TET2: variants seen among roughly 807,000 people sequenced by gnomAD.
TET2 encodes methylcytosine dioxygenase TET2.
A neutral mutation model predicts 142.9 loss-of-function variants in TET2; 299 were observed. The observed-to-expected ratio is 2.09, with a 90% CI of 1.90 to 2.30. The LOEUF (loss-of-function observed/expected upper bound fraction) is 2.30, where lower values mean the gene tolerates loss of function less well. Ranked by LOEUF, TET2 falls within the 30% of genes most tolerant of loss-of-function variation. TET2 has a pLI of 0.00. For synonymous variants in TET2, 819 were observed against 849.0 expected (o/e 0.96, Z 0.61); for missense variants, 2,418 against 2,378.0 (o/e 1.02, Z -0.35).
rs749354184 is a variant in TET2, at chr4:105,236,922, C to T, written c.2980C>T (p.His994Tyr). ...EPGCKPHACM[H>Y]TAPPENKTWK... ...TGGATGCAAGCCACATGCCTGTATG[C>T]ACACAGCACCACCAGAAAACAAAAC... The change falls in exon 3 of 11, where the codon CAC becomes TAC. Residue 994 changes from histidine to tyrosine, a missense_variant. Transcript: ENST00000380013. The T allele has an allele frequency of 5.0e-6, 8 of 1,613,960 alleles. No homozygotes were observed. The highest frequency in any genetic ancestry group is 1.3e-5 in the African/African-American group (1 of 74,918).
At chr4:105,210,450 AC>A (rs1336239237) in intron 2 of TET2, among the ~76,000 whole-genome samples, 1 of 152,152 alleles carries the variant, frequency 6.6e-6, no homozygotes, top group Non-Finnish European at 1.5e-5. Context: ...GGCATTAAAT[AC>A]CATTGGTAGG....
At chr4:105,273,750 G>A (rs1731072837) in intron 10 of TET2, among the ~76,000 whole-genome samples, 1 of 152,084 alleles carries the variant, frequency 6.6e-6, no homozygotes, top group Non-Finnish European at 1.5e-5. Context: ...CCTTAGACAT[G>A]TTGAGTCTGT....
At chr4:105,240,186 T>A (rs1001149894) in intron 3 of TET2, 1 of 248,976 alleles carries the variant, frequency 4.0e-6, no homozygotes, top group Non-Finnish European at 8.1e-6. Context: ...AGACATGAAG[T>A]GAGCACATGC....
At chr4:105,231,153 A>C (rs1578662639) in intron 2 of TET2, among the ~76,000 whole-genome samples, 1 of 152,234 alleles carries the variant, frequency 6.6e-6, no homozygotes, top group East Asian at 1.9e-4. Context: ...AATATCTTTT[A>C]ATTTGGCTAC....
intron 8 of TET2, among the ~76,000 whole-genome samples, chr4:105,265,980 A>T (rs1255994022): frequency 6.6e-6 from 1 of 152,166 alleles, no homozygotes; most frequent in Non-Finnish European, 1.5e-5. Context: ...ACGAGAGTTC[A>T]CTATTCAGAA....
intron 2 of TET2, among the ~76,000 whole-genome samples, chr4:105,209,475 A>G (rs1727033888): frequency 6.6e-6 from 1 of 151,966 alleles, no homozygotes; most frequent in African/African-American, 2.4e-5. Flanking sequence ...CTAGAGATCA[A>G]AATGTTCTAC....
At chr4:105,205,306 T>A (rs1443788380) in intron 2 of TET2, among the ~76,000 whole-genome samples, 2 of 152,230 alleles carry the variant, frequency 1.3e-5, no homozygotes, top group Non-Finnish European at 2.9e-5. Context: ...CCTAACAATA[T>A]TTTCCTTAAC....
intron 1 of TET2, among the ~76,000 whole-genome samples, chr4:105,164,688 GC>G (rs1337355248): frequency 1.3e-5 from 2 of 152,190 alleles, no homozygotes; most frequent in Non-Finnish European, 2.9e-5. Context: ...GATGCTTCCA[GC>G]CTCTGCTCAA....
chr4:105,252,320 AG>A (rs1729904899), intron 6 of TET2, among the ~76,000 whole-genome samples: 1 of 152,164 alleles, frequency 6.6e-6, no homozygotes, highest in Non-Finnish European at 1.5e-5. Context: ...CTTAGTAATA[AG>A]CTTTTAAATT....
intron 1 of TET2, among the ~76,000 whole-genome samples, chr4:105,173,271 G>C (rs538859418): frequency 6.6e-6 from 1 of 151,602 alleles, no homozygotes; most frequent in South Asian, 2.1e-4. Flanking sequence ...TGTGATCCCG[G>C]CACTTTGGGA....
rs1728790241 is a variant in TET2, at chr4:105,235,328, TC to T, written c.1388del (p.Pro463LeufsTer23). On this transcript the variant is annotated frameshift_variant, in exon 3 of 11. Coordinates refer to ENST00000380013, the MANE Select transcript of TET2 (RefSeq NM_001127208.3). LOFTEE classifies it high-confidence loss of function. ...GKPEAPPSQS[P>X]NPSTHVCSPS... is the part of the protein sequence containing the mutation. ...AACCTGAGGCACCACCTTCCCAGAG[TC>T]CTAATCCATCTACACATGTATGCAG... 1.9e-6 allele frequency: 3 copies of T among 1,613,676 alleles called. No homozygotes were observed. Among genetic ancestry groups the T allele is most frequent in the Non-Finnish European group, 2.5e-6 (3 of 1,179,868 alleles).
At position 105,235,631 on chromosome 4, in the gene TET2, A is replaced by G; in HGVS notation, c.1689A>G (p.Gly563=). The stretch of plus-strand genomic sequence containing the variant: ...CAACACAGCACTATCTGAAACCAGG[A>G]TGGATTGAATTGAAGGCCCCTCGTT... ...VPPTQHYLKP[G]WIELKAPRFH... is the part of the protein sequence containing the mutation. The change falls in exon 3 of 11, where the codon GGA becomes GGG. Residue 563 remains glycine (G), a synonymous_variant. Coordinates refer to ENST00000380013, the MANE Select transcript of TET2 (RefSeq NM_001127208.3). 1 of 1,614,182 alleles carries G rather than the reference A, an allele frequency of 6.2e-7. No individual in the cohort carries two copies. Among genetic ancestry groups the G allele is most frequent in the Non-Finnish European group, 8.5e-7 (1 of 1,180,024 alleles).
chr4:105,212,938 T>G (rs1727259358), intron 2 of TET2, among the ~76,000 whole-genome samples: 1 of 151,998 alleles, frequency 6.6e-6, no homozygotes, highest in Admixed American at 6.6e-5. Context: ...TGCAGTGAGC[T>G]GAGATTGTGC....
chr4:105,215,863 A>G (rs1486780226), intron 2 of TET2, among the ~76,000 whole-genome samples: 3 of 152,204 alleles, frequency 2.0e-5, no homozygotes, highest in Non-Finnish European at 2.9e-5. Context: ...AGAGCAGTGT[A>G]GAATTTTTAT....
intron 6 of TET2, among the ~76,000 whole-genome samples, chr4:105,256,270 G>GTA (rs1410919495): frequency 1.3e-5 from 2 of 152,094 alleles, no homozygotes; most frequent in East Asian, 1.9e-4. Flanking sequence ...TCAGCCTGAA[G>GTA]TATACATTTA....
chr4:105,214,056 G>A (rs945824697), intron 2 of TET2, among the ~76,000 whole-genome samples: 2 of 151,982 alleles, frequency 1.3e-5, no homozygotes, highest in African/African-American at 4.8e-5. Flanking sequence ...TCACCATGTT[G>A]GCCAGGCTGG....
At chr4:105,198,829 G>C (rs956514759) in intron 2 of TET2, among the ~76,000 whole-genome samples, 1 of 152,158 alleles carries the variant, frequency 6.6e-6, no homozygotes, top group Non-Finnish European at 1.5e-5. Context: ...CGAGTAGTCA[G>C]AACTTCAAGT....
At chr4:105,209,846 G>A (rs1191304770) in intron 2 of TET2, among the ~76,000 whole-genome samples, 1 of 152,128 alleles carries the variant, frequency 6.6e-6, no homozygotes, top group East Asian at 1.9e-4. Context: ...ATAGGTAGAA[G>A]ATGAGCAAGG....
chr4:105,186,579 C>T (rs1725469791), intron 1 of TET2, among the ~76,000 whole-genome samples: 1 of 147,026 alleles, frequency 6.8e-6, no homozygotes. Context: ...GGAGGCGATT[C>T]TCCCGCCTCA....
Sources: gnomAD v4.1 joint callset for allele counts (sites outside exome capture counted in the v4.1 genomes callset) on GRCh38, gnomAD v4.1.1 for gene constraint, MANE v1.5 for transcripts, NCBI Gene and HGNC (gene_info 2026-07-23, HGNC 2026-07-21) for gene names.